RAB38: variants seen among roughly 807,000 people sequenced by gnomAD.
RAB38 encodes ras-related protein Rab-38.
A neutral mutation model predicts 18.4 loss-of-function variants in RAB38; 15 were observed. The observed-to-expected ratio is 0.82, with a 90% CI of 0.55 to 1.26. The LOEUF (loss-of-function observed/expected upper bound fraction) is 1.26, where lower values mean the gene tolerates loss of function less well. RAB38 is among the 50% of genes most tolerant of loss of function. The pLI is 0.00. For missense variants in RAB38, 294 were observed against 267.4 expected, an observed-to-expected ratio of 1.10 and a Z score of -0.69; for synonymous variants, 101 against 104.4, an observed-to-expected ratio of 0.97 and a Z score of 0.20.
chr11:88,076,816 G>A, the RAB38 span, among the ~76,000 whole-genome samples: 8 of 148,754 alleles, frequency 5.4e-5, no homozygotes, highest in Admixed American at 2.0e-4. Context: ...AAATTTAGCC[G>A]GGAGTGGTTG....
At chr11:87,894,705 G>A in the RAB38 span, among the ~76,000 whole-genome samples, 121 of 150,246 alleles carry the variant, frequency 8.1e-4, no homozygotes, top group East Asian at 0.02. Context: ...AGTGCATTAC[G>A]TATGAAATAA....
At chr11:88,162,376 G>A (rs1943196992) in intron 1 of RAB38, among the ~76,000 whole-genome samples, 1 of 152,120 alleles carries the variant, frequency 6.6e-6, no homozygotes, top group Admixed American at 6.6e-5. Flanking sequence ...CAGCCCCTGT[G>A]ACAAGCACTG....
the RAB38 span, among the ~76,000 whole-genome samples, chr11:88,015,485 C>A: frequency 6.6e-6 from 1 of 152,090 alleles, no homozygotes; most frequent in South Asian, 2.1e-4. Context: ...GAAGGTAAAG[C>A]ACCTATCACA....
At chr11:87,937,872 T>G in the RAB38 span, among the ~76,000 whole-genome samples, 95 of 28,142 alleles carry the variant, frequency 3.4e-3, no homozygotes, top group Middle Eastern at 0.018. Flanking sequence ...ATTGAAGTGT[T>G]TTTTTTTTTT....
At chr11:87,973,825 G>T in the RAB38 span, among the ~76,000 whole-genome samples, 15 of 152,072 alleles carry the variant, frequency 9.9e-5, 1 homozygote, top group East Asian at 2.1e-3. Flanking sequence ...GAGTGAAGAA[G>T]TCTTGGTGAA....
chr11:88,109,805 A>C (rs568646212), downstream of RAB38, among the ~76,000 whole-genome samples: 1 of 152,370 alleles, frequency 6.6e-6, no homozygotes, highest in East Asian at 1.9e-4. Context: ...ATGCAAATCA[A>C]AACCACAATG....
At chr11:87,900,660 G>T in the RAB38 span, among the ~76,000 whole-genome samples, 1 of 126,218 alleles carries the variant, frequency 7.9e-6, no homozygotes, top group South Asian at 2.6e-4. Flanking sequence ...AGAAAGAAAG[G>T]TAGGAAGGAA....
At chr11:87,815,876 A>G in the RAB38 span, 3 of 152,454 alleles carry the variant, frequency 2.0e-5, no homozygotes, top group Admixed American at 2.0e-4. Flanking sequence ...GTGTAGGAAG[A>G]GGCAGATGAA....
At chr11:88,164,515 T>A (rs1402832931) in intron 1 of RAB38, among the ~76,000 whole-genome samples, 1 of 152,052 alleles carries the variant, frequency 6.6e-6, no homozygotes, top group African/African-American at 2.4e-5. Context: ...GGTAGTGGCA[T>A]CCACTCCGGC....
At chr11:87,926,881 G>C in the RAB38 span, among the ~76,000 whole-genome samples, 1 of 151,990 alleles carries the variant, frequency 6.6e-6, no homozygotes, top group Non-Finnish European at 1.5e-5. Flanking sequence ...ACCCTGGCTA[G>C]GCTAGTTTGT....
the RAB38 span, among the ~76,000 whole-genome samples, chr11:88,052,123 C>T: frequency 2.6e-5 from 4 of 151,112 alleles, no homozygotes; most frequent in African/African-American, 9.7e-5. Flanking sequence ...AACTCCGCCT[C>T]AAAATAAATA....
the RAB38 span, among the ~76,000 whole-genome samples, chr11:88,059,659 G>T: frequency 6.6e-6 from 1 of 152,144 alleles, no homozygotes; most frequent in Non-Finnish European, 1.5e-5. Flanking sequence ...TGTGTTCCAG[G>T]CACAGTGTTT....
chr11:88,025,586 T>C, the RAB38 span, among the ~76,000 whole-genome samples: 1 of 152,342 alleles, frequency 6.6e-6, no homozygotes, highest in African/African-American at 2.4e-5. Context: ...TGGTGTGAGA[T>C]GCCTCATTGT....
At chr11:87,834,967 G>T in the RAB38 span, among the ~76,000 whole-genome samples, 1 of 152,164 alleles carries the variant, frequency 6.6e-6, no homozygotes, top group African/African-American at 2.4e-5. Context: ...GGAAAATGGA[G>T]GAGCCAAGGC....
At chr11:88,029,741 T>A in the RAB38 span, among the ~76,000 whole-genome samples, 1 of 151,718 alleles carries the variant, frequency 6.6e-6, no homozygotes. Context: ...AAGTCCTGAG[T>A]GACCTACAAA....
chr11:88,055,438 A>C, the RAB38 span, among the ~76,000 whole-genome samples: 1 of 152,200 alleles, frequency 6.6e-6, no homozygotes, highest in Non-Finnish European at 1.5e-5. Context: ...CATGGCTGCC[A>C]CTAAAATGTT....
At chr11:88,020,397 T>C in the RAB38 span, among the ~76,000 whole-genome samples, 5 of 152,088 alleles carry the variant, frequency 3.3e-5, no homozygotes, top group Non-Finnish European at 7.4e-5. Flanking sequence ...TTCAGCAAGA[T>C]GATATGATAA....
chr11:87,913,457 AC>A, the RAB38 span, among the ~76,000 whole-genome samples: 4 of 152,142 alleles, frequency 2.6e-5, no homozygotes, highest in Non-Finnish European at 1.5e-5. Context: ...TTAAAAAATG[AC>A]CCTCTATATC....
chr11:88,007,112 C>T, the RAB38 span, among the ~76,000 whole-genome samples: 1 of 151,526 alleles, frequency 6.6e-6, no homozygotes, highest in South Asian at 2.1e-4. Flanking sequence ...TGTTGTTCCT[C>T]ATAAATATGT....
Sources: allele counts gnomAD v4.1 joint callset (sites outside exome capture counted in the v4.1 genomes callset), GRCh38; gene constraint gnomAD v4.1.1; transcripts MANE v1.5; gene names NCBI Gene and HGNC (gene_info 2026-07-23, HGNC 2026-07-21).